Variants in CLCN3 observed in about 807,000 individuals in gnomAD.
The protein encoded by CLCN3 is Cl-/H+ antiporter 3.
A neutral mutation model predicts 83.4 loss-of-function variants in CLCN3; 16 were observed. The observed-to-expected ratio is 0.19, with a 90% CI of 0.13 to 0.29. The LOEUF is 0.29. Among genes scored for constraint, CLCN3 ranks in the 10% least tolerant of loss-of-function variants. The pLI, the probability that CLCN3 is intolerant of heterozygous loss-of-function variation, is 1.00. For missense variants in CLCN3, 544 were observed against 1,006.0 expected (o/e 0.54, Z 6.21); for synonymous variants, 322 against 346.2 (o/e 0.93, Z 0.78).
chr4:169,706,767 C>T, intron 10 of CLCN3, 101 bp from the exon 11 acceptor site: 1 of 906,540 alleles, frequency 1.1e-6, no homozygotes, highest in South Asian at 1.7e-5. Flanking sequence ...TGACTGAGTT[C>T]TATTTGCCAT....
chr4:169,645,268 T>C (rs1730542695), intron 2 of CLCN3, among the ~76,000 whole-genome samples: 1 of 152,054 alleles, frequency 6.6e-6, no homozygotes, highest in African/African-American at 2.4e-5. Context: ...TGACTTGTTA[T>C]ATTGTATTAA....
At position 169,631,186 on chromosome 4, in the gene CLCN3, T is replaced by C. The variant is rs546462072; in HGVS notation, c.-16-4727T>C. Among the ~76,000 whole-genome samples the C allele has an allele frequency of 5.9e-5, 9 of 152,312 alleles. No homozygotes were observed. The East Asian group carries it at 1.3e-3, about 23-fold the overall frequency. On this transcript the variant is annotated intron_variant, in intron 1 of 12. Coordinates refer to ENST00000513761, the MANE Select transcript of CLCN3 (RefSeq NM_001829.4). ...TGTTTCATTGTGGTTTTGATTTCCA[T>C]TTCTCTAATGATTAGTGACGTTGGG...
At chr4:169,718,256 T>C (rs978697471) in intron 12 of CLCN3, among the ~76,000 whole-genome samples, 16 of 133,942 alleles carry the variant, frequency 1.2e-4, no homozygotes, top group East Asian at 2.1e-4. Context: ...CCGCAAGCCC[T>C]TTTTTTTTTT....
At chr4:169,663,522 T>G (rs1455090231) in intron 2 of CLCN3, 2 of 297,606 alleles carry the variant, frequency 6.7e-6, no homozygotes, top group Admixed American at 4.8e-5. Flanking sequence ...TTTTTTTTTT[T>G]TTAGGGAGAG....
At chr4:169,684,264 A>C (rs999652071) in intron 3 of CLCN3, among the ~76,000 whole-genome samples, 3 of 152,110 alleles carry the variant, frequency 2.0e-5, no homozygotes, top group East Asian at 1.9e-4. Flanking sequence ...TTCTATAGAG[A>C]GTTTACCCCA....
In CLCN3 at chr4:169,710,972, G is replaced by A. The variant is rs72696646; in HGVS notation, c.2150-2107G>A. On this transcript the variant is annotated intron_variant, in intron 11 of 12. Coordinates refer to ENST00000513761, the MANE Select transcript of CLCN3 (RefSeq NM_001829.4). Reference sequence around the variant, plus strand: ...CTCCGGAGCACATGAGATTAGAGACGTGTGCCACTGTATCTGGCCTGCTGT... The same window carrying A: ...CTCCGGAGCACATGAGATTAGAGACATGTGCCACTGTATCTGGCCTGCTGT... Among the ~76,000 whole-genome samples, 667 of 152,276 alleles carry A rather than the reference G, an allele frequency of 4.4e-3. 7 individuals carry two copies. Among genetic ancestry groups the A allele is most frequent in the South Asian group, 0.036 (172 of 4,822 alleles).
chr4:169,713,501 A>AC (rs1733305309), intron 12 of CLCN3, among the ~76,000 whole-genome samples: 2 of 152,212 alleles, frequency 1.3e-5, no homozygotes, highest in African/African-American at 4.8e-5. Context: ...CTCTTTGCCA[A>AC]ACAGTGACAT....
At chr4:169,634,947 C>G (rs1337639904) in intron 1 of CLCN3, among the ~76,000 whole-genome samples, 2 of 152,066 alleles carry the variant, frequency 1.3e-5, no homozygotes, top group African/African-American at 4.8e-5. Flanking sequence ...TTCATAAATA[C>G]CTTTTTGTTA....
chr4:169,656,468 T>A (rs1007189780), intron 2 of CLCN3, among the ~76,000 whole-genome samples: 18 of 152,130 alleles, frequency 1.2e-4, no homozygotes, highest in African/African-American at 4.3e-4. Flanking sequence ...ACCTTTCATG[T>A]AGGCTCCACA....
intron 3 of CLCN3, among the ~76,000 whole-genome samples, chr4:169,686,993 C>G (rs1415221513): frequency 6.6e-6 from 1 of 152,132 alleles, no homozygotes; most frequent in South Asian, 2.1e-4. Context: ...TATTAAAAGG[C>G]CTATAAGTTT....
At chr4:169,703,950 T>C (rs964052829) in intron 9 of CLCN3, 48 bp from the exon 10 acceptor site, 4 of 1,546,562 alleles carry the variant, frequency 2.6e-6, no homozygotes, top group Non-Finnish European at 3.6e-6. Context: ...GTTTCAGGCA[T>C]GTGAGTAGAG....
At chr4:169,626,481 A>C (rs1019862206) in intron 1 of CLCN3, among the ~76,000 whole-genome samples, 1 of 152,228 alleles carries the variant, frequency 6.6e-6, no homozygotes, top group Non-Finnish European at 1.5e-5. Flanking sequence ...TGCCTGTCCA[A>C]CTTCTTCTGC....
chr4:169,713,982 A>G (rs1264582901), intron 12 of CLCN3, among the ~76,000 whole-genome samples: 2 of 152,230 alleles, frequency 1.3e-5, no homozygotes, highest in African/African-American at 4.8e-5. Flanking sequence ...GAATATAGGA[A>G]AGAAACAGAT....
At chr4:169,628,936 T>C (rs1221592197) in intron 1 of CLCN3, among the ~76,000 whole-genome samples, 1 of 152,238 alleles carries the variant, frequency 6.6e-6, no homozygotes, top group Non-Finnish European at 1.5e-5. Context: ...AACTGTGGCA[T>C]ATCTGTTATC....
At chr4:169,670,397 G>T (rs1013499917) in intron 2 of CLCN3, among the ~76,000 whole-genome samples, 5 of 152,062 alleles carry the variant, frequency 3.3e-5, no homozygotes, top group African/African-American at 1.2e-4. Flanking sequence ...ACTTGTTTTT[G>T]TCAAGTTTGC....
At chr4:169,718,159 T>G (rs1733495937) in intron 12 of CLCN3, among the ~76,000 whole-genome samples, 3 of 152,184 alleles carry the variant, frequency 2.0e-5, no homozygotes, top group Non-Finnish European at 4.4e-5. Context: ...TTGGACATTC[T>G]TAAAGTGAAT....
In CLCN3 at chr4:169,692,213, T is replaced by A; in HGVS notation, c.829T>A (p.Leu277Met). ...ATTAGTCCTGGCTGTGGCATCAGGTTTGAGTTTAGGAAAAGAAGGTCCCCT... is the reference window on the plus strand; with the variant it reads ...ATTAGTCCTGGCTGTGGCATCAGGTATGAGTTTAGGAAAAGAAGGTCCCCT... ...ITLVLAVASG[L>M]SLGKEGPLVH... The change falls in exon 7 of 13, where the codon TTG becomes ATG. Residue 277 changes from leucine (L) to methionine (M), a missense_variant. Physicochemically the swap from Leu to Met is conservative, Grantham distance 15 (BLOSUM62 2). Around this residue, in one of 6 missense-constraint regions of CLCN3, gnomAD observed 8 missense variants for 44.6 expected, o/e 0.18. Transcript: ENST00000513761. 6.2e-7 allele frequency: 1 copy of A among 1,613,290 alleles called. No homozygotes were observed. The highest frequency in any genetic ancestry group is 8.5e-7 in the Non-Finnish European group (1 of 1,179,266).
intron 9 of CLCN3, among the ~76,000 whole-genome samples, chr4:169,698,235 C>A (rs1280433446): frequency 6.6e-6 from 1 of 152,148 alleles, no homozygotes; most frequent in Non-Finnish European, 1.5e-5. Context: ...CCTTGTGTTA[C>A]AAACAATCCA....
At chr4:169,713,720 C>T (rs1305621515) in intron 12 of CLCN3, among the ~76,000 whole-genome samples, 1 of 152,126 alleles carries the variant, frequency 6.6e-6, no homozygotes, top group African/African-American at 2.4e-5. Flanking sequence ...TTGCTATTTA[C>T]TCTTTCAGCC....
Sources: allele counts gnomAD v4.1 joint callset (sites outside exome capture counted in the v4.1 genomes callset), GRCh38; gene constraint gnomAD v4.1.1; regional missense constraint gnomAD v4.1.1; transcripts MANE v1.5; gene names NCBI Gene and HGNC (gene_info 2026-07-23, HGNC 2026-07-21).